The following SPTLC2 variants were observed in gnomAD, a reference collection of about 807,000 sequenced individuals.
SPTLC2 encodes the protein serine palmitoyltransferase long chain base subunit 2.
Under a neutral mutation model 62.0 loss-of-function variants are expected in SPTLC2, and 21 were observed. That is an observed-to-expected ratio of 0.34 (90% confidence interval 0.24 to 0.49). The LOEUF (loss-of-function observed/expected upper bound fraction) is 0.49, where lower values mean the gene tolerates loss of function less well. Among genes scored for constraint, SPTLC2 ranks in the 20% least tolerant of loss-of-function variants. SPTLC2 has a pLI of 0.99. For synonymous variants in SPTLC2, 261 were observed against 261.8 expected, an observed-to-expected ratio of 1.00 and a Z score of 0.03; for missense variants, 511 against 713.0, an observed-to-expected ratio of 0.72 and a Z score of 3.23.
rs772919286 is a variant in SPTLC2, at chr14:77,570,374, A to G, written c.756+10T>C. On this transcript the variant is annotated intron_variant, in intron 5 of 11. Transcript: ENST00000216484. ...ATGAGGGAGTTTTCATAAATGACAG[A>G]GTATCTTACTTTGCCAACAAGAGCA... The G allele has an allele frequency of 2.4e-5, 39 of 1,612,364 alleles. 1 individual carries two copies. The Admixed American group carries it at 6.5e-4, about 27-fold the overall frequency.
intron 2 of SPTLC2, among the ~76,000 whole-genome samples, chr14:77,586,710 G>T (rs2079783595): frequency 6.6e-6 from 1 of 152,086 alleles, no homozygotes; most frequent in Non-Finnish European, 1.5e-5. Flanking sequence ...AAACCACTTA[G>T]AAAAATACAC....
intron 9 of SPTLC2, among the ~76,000 whole-genome samples, chr14:77,534,145 G>A (rs2079455513): frequency 1.3e-5 from 2 of 149,296 alleles, no homozygotes; most frequent in Non-Finnish European, 3.0e-5. Flanking sequence ...ACAACAGAAT[G>A]AGACCCTGTC....
intron 5 of SPTLC2, among the ~76,000 whole-genome samples, chr14:77,567,885 T>C (rs1276681900): frequency 4.6e-5 from 7 of 151,942 alleles, no homozygotes; most frequent in Admixed American, 2.0e-4. Flanking sequence ...CTAATACAGG[T>C]TGAATATTCC....
chr14:77,544,112 A>G (rs904703837), intron 9 of SPTLC2, among the ~76,000 whole-genome samples: 5 of 152,062 alleles, frequency 3.3e-5, no homozygotes, highest in East Asian at 1.9e-4. Flanking sequence ...GGTTTGTGCA[A>G]TCCTCCGCCT....
chr14:77,534,923 A>C (rs112283964), intron 9 of SPTLC2, among the ~76,000 whole-genome samples: 1 of 148,808 alleles, frequency 6.7e-6, no homozygotes, highest in African/African-American at 2.5e-5. Context: ...GATGCAGCCA[A>C]GTGCTATTTC....
chr14:77,612,947 T>G (rs556479992), intron 1 of SPTLC2, among the ~76,000 whole-genome samples: 1 of 152,328 alleles, frequency 6.6e-6, no homozygotes, highest in East Asian at 1.9e-4. Flanking sequence ...AGATAACTTT[T>G]TTTCTTTCAC....
chr14:77,539,482 G>GATT (rs2079488215), intron 9 of SPTLC2, among the ~76,000 whole-genome samples: 2 of 84,656 alleles, frequency 2.4e-5, no homozygotes, highest in African/African-American at 4.1e-5. Flanking sequence ...ATCTTAAGAG[G>GATT]CTTTTTTTTT....
chr14:77,597,232 C>T lies in SPTLC2; in HGVS notation c.281G>A (p.Trp94Ter). 6.2e-7 allele frequency: 1 copy of T among 1,614,138 alleles called. No homozygotes were observed. The highest frequency in any genetic ancestry group is 8.5e-7 in the Non-Finnish European group (1 of 1,180,030). ...TGCATGGTGACACTTTTCAATTCTCCAATACCTCAAGAAATCTCGAAGATA... is the reference window on the plus strand; with the variant it reads ...TGCATGGTGACACTTTTCAATTCTCTAATACCTCAAGAAATCTCGAAGATA... ...FGYLRDFLRY[W>*]RIEKCHHATE... The change falls in exon 2 of 12, where the codon TGG becomes TAG. Residue 94 changes from tryptophan to a stop codon, truncating the protein, a stop_gained. Transcript: ENST00000216484. LOFTEE classifies it high-confidence loss of function.
At position 77,557,074 on chromosome 14, in the gene SPTLC2, T is replaced by C; in HGVS notation, c.923A>G (p.Lys308Arg). 6.2e-7 allele frequency: 1 copy of C among 1,614,058 alleles called. No homozygotes were observed. Among genetic ancestry groups the C allele is most frequent in the Non-Finnish European group, 8.5e-7 (1 of 1,180,028 alleles). The change falls in exon 7 of 12, where the codon AAG becomes AGG. Residue 308 changes from lysine to arginine, a missense_variant. Lys to Arg is a conservative substitution (Grantham distance 26). Coordinates refer to ENST00000216484, the MANE Select transcript of SPTLC2 (RefSeq NM_004863.4). Reference protein sequence around the residue: ...YGQPRTRRPWKKILILVEGIY... With the variant: ...YGQPRTRRPWRKILILVEGIY... ...TCCTTCCACAAGGATGAGAATTTTCTTCCAGGGCCTTCGTGTCCGAGGCTG... is the reference window on the plus strand; with the variant it reads ...TCCTTCCACAAGGATGAGAATTTTCCTCCAGGGCCTTCGTGTCCGAGGCTG...
At chr14:77,529,494 A>C (rs187330491) in intron 9 of SPTLC2, among the ~76,000 whole-genome samples, 1 of 152,048 alleles carries the variant, frequency 6.6e-6, no homozygotes, top group East Asian at 1.9e-4. Flanking sequence ...GCTATTACCA[A>C]AGTAATTATG....
At chr14:77,518,814 C>G (rs1325662808) in intron 10 of SPTLC2, among the ~76,000 whole-genome samples, 1 of 152,140 alleles carries the variant, frequency 6.6e-6, no homozygotes, top group Non-Finnish European at 1.5e-5. Flanking sequence ...CCAGATCACA[C>G]GTTTCTTTAA....
chr14:77,534,186 A>T lies in SPTLC2; in HGVS notation c.1304-12605T>A, dbSNP rs1022728563. 1.8e-4 allele frequency among the ~76,000 whole-genome samples: 14 copies of T among 78,416 alleles called. No individual in the cohort carries two copies. In the South Asian group the frequency reaches 3.2e-3, roughly 18 times the overall value. 51.4% of individuals were successfully genotyped at this position (78,416 alleles called of 152,430 possible). A position where few individuals can be genotyped will look rare whatever the true frequency, so the allele number is the denominator to read the frequency against. On this transcript the variant is annotated intron_variant, in intron 9 of 11. Coordinates refer to ENST00000216484, the MANE Select transcript of SPTLC2 (RefSeq NM_004863.4). ...CTCTTTCTCTCTCTCTCTCACACAC[A>T]CACACACACACACACACACACACAC...
rs1313287236 is a variant in SPTLC2 at position 77,552,789 on chromosome 14, G to C, written c.1177-567C>G. Among the ~76,000 whole-genome samples the C allele has an allele frequency of 2.8e-5, 4 of 141,112 alleles. No homozygotes were observed. The Admixed American group carries it at 3.0e-4, about 10-fold the overall frequency. The allele number at this position is 141,112 out of a possible 152,430, so 92.6% of individuals were successfully genotyped here. A position where few individuals can be genotyped will look rare whatever the true frequency, so the allele number is the denominator to read the frequency against. ...CCATTGCACTCCAGCCTGGGGGACA[G>C]AGTGAGACTCCGTCTTAAAAAAAAA... On this transcript the variant is annotated intron_variant, in intron 8 of 11. Transcript: ENST00000216484.
intron 9 of SPTLC2, among the ~76,000 whole-genome samples, chr14:77,525,460 C>A (rs1264145901): frequency 6.6e-6 from 1 of 151,884 alleles, no homozygotes; most frequent in African/African-American, 2.4e-5. Flanking sequence ...TGTGGTGGTG[C>A]ATGCCTGTAA....
At chr14:77,583,558 A>C (rs1355005086) in intron 2 of SPTLC2, among the ~76,000 whole-genome samples, 1 of 152,110 alleles carries the variant, frequency 6.6e-6, no homozygotes, top group African/African-American at 2.4e-5. Flanking sequence ...TCCGACCCTC[A>C]TTCCCCCATC....
At chr14:77,572,497 CA>C in intron 4 of SPTLC2, among the ~76,000 whole-genome samples, 1 of 152,142 alleles carries the variant, frequency 6.6e-6, no homozygotes, top group Non-Finnish European at 1.5e-5. Flanking sequence ...CAGAGGTAAT[CA>C]AATTAAAATG....
intron 1 of SPTLC2, among the ~76,000 whole-genome samples, chr14:77,606,549 A>T (rs541073864): frequency 6.6e-6 from 1 of 152,278 alleles, no homozygotes; most frequent in East Asian, 1.9e-4. Flanking sequence ...AACATTTTCA[A>T]AACTACAAAA....
Position 77,573,482 on chromosome 14 carries a change from AT to A in SPTLC2, c.632-2975del, listed in dbSNP as rs1363331108. Among the ~76,000 whole-genome samples, 11 of 141,248 alleles carry A rather than the reference AT, an allele frequency of 7.8e-5. No homozygotes were observed. In the South Asian group the frequency reaches 1.4e-3, roughly 18 times the overall value. 92.7% of individuals were successfully genotyped at this position (141,248 alleles called of 152,430 possible). A position where few individuals can be genotyped will look rare whatever the true frequency, so the allele number is the denominator to read the frequency against. On this transcript the variant is annotated intron_variant, in intron 4 of 11. Coordinates refer to ENST00000216484, the MANE Select transcript of SPTLC2 (RefSeq NM_004863.4). ...TACAAATGTTATGTATCAATAAAAA[AT>A]TTTTACAAAGATTTTAAAAATAAAT... is the stretch of plus-strand genomic sequence containing the variant.
rs1359146065 is a variant in SPTLC2, at chr14:77,555,470, T to G, written c.1006A>C (p.Lys336Gln). The G allele has an allele frequency of 6.2e-7, 1 of 1,614,168 alleles. No individual in the cohort carries two copies. Among genetic ancestry groups the G allele is most frequent in the Admixed American group, 1.7e-5 (1 of 60,020 alleles). ...TCCAGATACAAGTATGCCTTGTATT[T>G]CTTCTTGAGGGCAATCACTTCAGGA... ...RLPEVIALKK[K>Q]YKAYLYLDEA... The change falls in exon 8 of 12, where the codon AAA becomes CAA. Residue 336 changes from lysine to glutamine, a missense_variant. Coordinates refer to ENST00000216484, the MANE Select transcript of SPTLC2 (RefSeq NM_004863.4).
Sources: allele counts gnomAD v4.1 joint callset (sites outside exome capture counted in the v4.1 genomes callset), GRCh38; gene constraint gnomAD v4.1.1; transcripts MANE v1.5; gene names NCBI Gene and HGNC (gene_info 2026-07-23, HGNC 2026-07-21).